The following RPS6KA2 variants were observed in gnomAD, a reference collection of about 807,000 sequenced individuals.
RPS6KA2 encodes the protein ribosomal protein S6 kinase alpha-2.
RPS6KA2 carries 42 observed loss-of-function variants against 91.8 expected under a neutral mutation model. The observed-to-expected ratio is 0.46, with a 90% confidence interval of 0.36 to 0.59. The LOEUF (loss-of-function observed/expected upper bound fraction) is 0.59, where lower values mean the gene tolerates loss of function less well. Among genes scored for constraint, RPS6KA2 ranks in the 20% least tolerant of loss-of-function variants. The pLI, the probability that RPS6KA2 is intolerant of heterozygous loss-of-function variation, is 0.00. For missense variants in RPS6KA2, 798 were observed against 978.5 expected (o/e 0.82, Z 2.46); for synonymous variants, 414 against 393.6 (o/e 1.05, Z -0.61).
rs374624494 is a variant in RPS6KA2, at chr6:166,673,738, C to T, written c.124-134954G>A. 4.3e-3 allele frequency among the ~76,000 whole-genome samples: 646 copies of T among 151,520 alleles called. 4 individuals carry two copies. The highest frequency in any genetic ancestry group is 0.015 in the African/African-American group (619 of 40,842). On this transcript the variant is annotated intron_variant, in intron 2 of 21. Coordinates refer to the RPS6KA2 transcript ENST00000503859. ...AAATATTATTTCTTTTGTGATTTTT[C>T]TTTTTTTAGCTCATCAGCTATTGTT... is the stretch of plus-strand genomic sequence containing the variant.
intron 10 of RPS6KA2, among the ~76,000 whole-genome samples, chr6:166,480,896 C>A (rs531808736): frequency 2.0e-5 from 3 of 152,102 alleles, no homozygotes; most frequent in African/African-American, 4.8e-5. Flanking sequence ...CTGATCCACA[C>A]GCCTCGGCTG....
At chr6:166,510,252 A>G (rs1372503807) in intron 4 of RPS6KA2, 25 bp downstream of exon 4, 4 of 1,460,378 alleles carry the variant, frequency 2.7e-6, no homozygotes, top group Non-Finnish European at 2.9e-6. Context: ...GGTCCTCTTT[A>G]AAGTGTCATT....
At chr6:166,776,824 T>C (rs528179) in intron 2 of RPS6KA2, among the ~76,000 whole-genome samples, 76,407 of 152,124 alleles carry the variant, frequency 0.5, 22,894 homozygotes, top group African/African-American at 0.85. Flanking sequence ...GATGGACATG[T>C]GGGCTGTCTC....
At chr6:166,851,533 C>T (rs1337449953) in intron 2 of RPS6KA2, among the ~76,000 whole-genome samples, 1 of 152,226 alleles carries the variant, frequency 6.6e-6, no homozygotes, top group East Asian at 1.9e-4. Flanking sequence ...GAAGCCCCCA[C>T]AGGCCATTTG....
intron 1 of RPS6KA2, among the ~76,000 whole-genome samples, chr6:166,607,026 C>T (rs536771326): frequency 6.6e-6 from 1 of 151,748 alleles, no homozygotes; most frequent in Non-Finnish European, 1.5e-5. Context: ...CCTATAATCC[C>T]AGCTACTAGG....
At chr6:166,800,980 A>G (rs1356629277) in intron 2 of RPS6KA2, among the ~76,000 whole-genome samples, 12 of 152,260 alleles carry the variant, frequency 7.9e-5, no homozygotes, top group Non-Finnish European at 7.3e-5. Context: ...GAATTGTATA[A>G]ATGCCAAAGT....
At chr6:166,417,620 T>TACACACACAC (rs10568123) in intron 19 of RPS6KA2, among the ~76,000 whole-genome samples, 102 of 148,592 alleles carry the variant, frequency 6.9e-4, no homozygotes, top group African/African-American at 2.5e-3. Flanking sequence ...TCTCTCTCTA[T>TACACACACAC]ACACACACAC....
chr6:166,478,868 C>T (rs1039435866), intron 10 of RPS6KA2, among the ~76,000 whole-genome samples: 2 of 152,202 alleles, frequency 1.3e-5, no homozygotes, highest in Admixed American at 6.5e-5. Flanking sequence ...TCCTACTTCA[C>T]GATGTCGGTG....
chr6:166,745,437 C>T lies in RPS6KA2; in HGVS notation c.123+112763G>A, dbSNP rs183140781. On this transcript the variant is annotated intron_variant, in intron 2 of 21. Coordinates refer to the RPS6KA2 transcript ENST00000503859. ...AAAGTGTTGGGATTCCAGGTGTGAG[C>T]CACTGCACCCGGCCCTAATCTCCTC... Among the ~76,000 whole-genome samples, 26 of 152,290 alleles carry T rather than the reference C, an allele frequency of 1.7e-4. No homozygotes were observed. The East Asian group carries it at 2.5e-3, about 15-fold the overall frequency.
intron 2 of RPS6KA2, among the ~76,000 whole-genome samples, chr6:166,684,052 G>A (rs1190321295): frequency 1.3e-5 from 2 of 152,184 alleles, no homozygotes; most frequent in Admixed American, 1.3e-4. Flanking sequence ...AGTCTATAAG[G>A]AGGTGTTGTC....
In RPS6KA2 at chr6:166,448,660, A is replaced by G; in HGVS notation, c.1332+64T>C. On this transcript the variant is annotated intron_variant, in intron 14 of 20. Transcript: ENST00000265678. The surrounding 1 kb of genome is among the most constrained non-coding windows in gnomAD (Gnocchi z 4.7). ...GCTCCTATGCTCCGTGCTCCCACAT[A>G]CCACACGTGCTCCCACGCGCTGCAC... 1 of 1,530,812 alleles carries G rather than the reference A, an allele frequency of 6.5e-7. No homozygotes were observed. Among genetic ancestry groups the G allele is most frequent in the Non-Finnish European group, 8.8e-7 (1 of 1,132,414 alleles). 94.8% of individuals were successfully genotyped at this position (1,530,812 alleles called of 1,614,324 possible).
At chr6:166,699,387 A>C (rs1349886206) in intron 2 of RPS6KA2, among the ~76,000 whole-genome samples, 2 of 151,970 alleles carry the variant, frequency 1.3e-5, no homozygotes, top group African/African-American at 2.4e-5. Context: ...GGATAAAACT[A>C]CAAAAAAAAC....
chr6:166,859,529 C>G (rs1780995608), intron 1 of RPS6KA2, among the ~76,000 whole-genome samples: 1 of 152,182 alleles, frequency 6.6e-6, no homozygotes, highest in Non-Finnish European at 1.5e-5. Context: ...GGTTCTGGCT[C>G]TTAATGAGCA....
At chr6:166,777,943 TA>T (rs1778669429) in intron 2 of RPS6KA2, among the ~76,000 whole-genome samples, 1 of 152,012 alleles carries the variant, frequency 6.6e-6, no homozygotes, top group Non-Finnish European at 1.5e-5. Context: ...TTGAAAGATA[TA>T]AAAGAAGACT....
rs567662114 is a variant in RPS6KA2, at chr6:166,732,043, C to T, written c.123+126157G>A. Among the ~76,000 whole-genome samples, 34 of 152,128 alleles carry T rather than the reference C, an allele frequency of 2.2e-4. No homozygotes were observed. Among genetic ancestry groups the T allele is most frequent in the Middle Eastern group, 6.8e-3 (2 of 294 alleles). On this transcript the variant is annotated intron_variant, in intron 2 of 21. Transcript: ENST00000503859. The surrounding 1 kb of genome is among the most constrained non-coding windows in gnomAD (Gnocchi z 4.0). ...TTATTAGTGGTGGCTACTGAGGAGA[C>T]GGGAAGGGATGGGATTGGGGAGAAA...
intron 2 of RPS6KA2, among the ~76,000 whole-genome samples, chr6:166,838,538 A>G (rs894865203): frequency 1.3e-5 from 2 of 152,260 alleles, no homozygotes; most frequent in Non-Finnish European, 2.9e-5. Context: ...CCACGTTCAA[A>G]GTCCCCCAAT....
chr6:166,776,346 T>G (rs1002693848), intron 2 of RPS6KA2, among the ~76,000 whole-genome samples: 1 of 152,262 alleles, frequency 6.6e-6, no homozygotes, highest in African/African-American at 2.4e-5. Context: ...GTCCCCGCAC[T>G]GACTTTGAGA....
In RPS6KA2 at chr6:166,627,223, C is replaced by T; in HGVS notation, c.-204G>A. The T allele has an allele frequency of 9.7e-7, 1 of 1,027,550 alleles. No homozygotes were observed. Among genetic ancestry groups the T allele is most frequent in the East Asian group, 9.2e-5 (1 of 10,918 alleles). The allele number at this position is 1,027,550 out of a possible 1,614,324, so 63.7% of individuals were successfully genotyped here. ...GCGGCCGGGGCCACAATCGCTCCCT[C>T]CGCCTCCTTCTCCGCCTCCCCTGCG... On this transcript the variant is annotated 5_prime_UTR_variant, in exon 1 of 21. Transcript: ENST00000265678.
At chr6:166,723,010 G>C (rs1790223504) in intron 2 of RPS6KA2, among the ~76,000 whole-genome samples, 1 of 152,188 alleles carries the variant, frequency 6.6e-6, no homozygotes, top group Admixed American at 6.5e-5. Context: ...GCAAGGTTTG[G>C]GGCGCTGCAA....
Sources: allele counts gnomAD v4.1 joint callset (sites outside exome capture counted in the v4.1 genomes callset), GRCh38; gene constraint gnomAD v4.1.1; non-coding constraint Gnocchi (gnomAD v3.1); transcripts MANE v1.5; gene names NCBI Gene and HGNC (gene_info 2026-07-23, HGNC 2026-07-21).